Variants in SLC47A2 observed in about 807,000 individuals in gnomAD.
SLC47A2 encodes the protein multidrug and toxin extrusion protein 2.
Under a neutral mutation model 67.7 loss-of-function variants are expected in SLC47A2, and 52 were observed. That is an observed-to-expected ratio of 0.77 (90% CI 0.61 to 0.97). The LOEUF (loss-of-function observed/expected upper bound fraction) is 0.97. SLC47A2 is among the 50% of genes least tolerant of loss of function. The pLI, the probability that SLC47A2 is intolerant of heterozygous loss-of-function variation, is 0.00. For synonymous variants in SLC47A2, 278 were observed against 292.9 expected, an observed-to-expected ratio of 0.95 and a Z score of 0.52; for missense variants, 676 against 712.3, an observed-to-expected ratio of 0.95 and a Z score of 0.58.
Position 19,678,491 on chromosome 17 carries a change from AC to A in SLC47A2, c.*194del, listed in dbSNP as rs2085236716. 1.2e-5 allele frequency: 7 copies of A among 607,922 alleles called. No homozygotes were observed. The highest frequency in any genetic ancestry group is 2.0e-5 in the Non-Finnish European group (7 of 344,566). 37.7% of individuals were successfully genotyped at this position (607,922 alleles called of 1,614,324 possible). On this transcript the variant is annotated 3_prime_UTR_variant, in exon 17 of 17. Coordinates refer to ENST00000433844, the MANE Select transcript of SLC47A2 (RefSeq NM_001099646.3). The stretch of plus-strand genomic sequence containing the variant: ...AGTCACAGAAGAAAACTCCAGCTTG[AC>A]CAGAACAGAATTGTCAAGTCTGTTC...
At chr17:19,696,479 TAGAG>T (rs139339096) in intron 13 of SLC47A2, among the ~76,000 whole-genome samples, 5,557 of 120,948 alleles carry the variant, frequency 0.046, 315 homozygotes, top group African/African-American at 0.15. Flanking sequence ...AAAAAAAAAA[TAGAG>T]AGAATTTGGA....
rs866281659 is a variant in SLC47A2, at chr17:19,678,497, A to T, written c.*189T>A. The T allele has an allele frequency of 1.6e-6, 1 of 617,874 alleles. No homozygotes were observed. The highest frequency in any genetic ancestry group is 2.0e-5 in the South Asian group (1 of 49,514). The allele number at this position is 617,874 out of a possible 1,614,324, so 38.3% of individuals were successfully genotyped here. On this transcript the variant is annotated 3_prime_UTR_variant, in exon 17 of 17. Coordinates refer to ENST00000433844, the MANE Select transcript of SLC47A2 (RefSeq NM_001099646.3). The stretch of plus-strand genomic sequence containing the variant: ...AGAAGAAAACTCCAGCTTGACCAGA[A>T]CAGAATTGTCAAGTCTGTTCAGACC...
At chr17:19,714,015 G>T (rs374125037) in intron 3 of SLC47A2, 42 bp from the exon 4 acceptor site, 1 of 1,588,394 alleles carries the variant, frequency 6.3e-7, no homozygotes, top group East Asian at 2.3e-5. Context: ...TCCACTGCCC[G>T]GGACATTCCT....
At chr17:19,679,848 G>C in intron 16 of SLC47A2, 104 bp downstream of exon 16, 2 of 1,125,856 alleles carry the variant, frequency 1.8e-6, no homozygotes, top group Non-Finnish European at 2.5e-6. Context: ...AATAGCTTGG[G>C]CTTGTACAAT....
At chr17:19,706,329 G>A (rs920570297) in intron 9 of SLC47A2, among the ~76,000 whole-genome samples, 1 of 152,170 alleles carries the variant, frequency 6.6e-6, no homozygotes, top group Non-Finnish European at 1.5e-5. Flanking sequence ...TCACTCCTCC[G>A]TGCCTCAGCC....
chr17:19,698,902 A>G (rs1004625319), intron 13 of SLC47A2, among the ~76,000 whole-genome samples: 9 of 152,200 alleles, frequency 5.9e-5, no homozygotes, highest in African/African-American at 1.7e-4. Flanking sequence ...TAGCTTTTAC[A>G]TTGTACTAGG....
At chr17:19,714,002 G>A (rs569900840) in intron 3 of SLC47A2, 29 bp from the exon 4 acceptor site, 14 of 1,603,324 alleles carry the variant, frequency 8.7e-6, no homozygotes, top group Non-Finnish European at 1.2e-5. Flanking sequence ...CGCGTCAGCC[G>A]TTTCCACTGC....
Position 19,715,215 on chromosome 17 carries a change from G to T in SLC47A2, c.126C>A (p.Phe42Leu). The T allele has an allele frequency of 6.2e-7, 1 of 1,608,882 alleles. No homozygotes were observed. Residue 42 changes from phenylalanine (F) to leucine (L), a missense_variant and splice_region_variant, in exon 2 of 17, where the codon TTC becomes TTA. Phe to Leu is a conservative substitution (Grantham distance 22). Transcript: ENST00000433844. ...WTLFALSGPLFLFQVLTFMIY... is the reference protein window; with the variant it reads ...WTLFALSGPLLLFQVLTFMIY... Reference sequence around the variant, plus strand: ...TCATAAAAGTCAGCACCTGGAACAGGAACTGGAGGACAGCGGCCAGGTCAG... The same window carrying T: ...TCATAAAAGTCAGCACCTGGAACAGTAACTGGAGGACAGCGGCCAGGTCAG...
chr17:19,705,037 G>C, intron 10 of SLC47A2: 1 of 328,924 alleles, frequency 3.0e-6, no homozygotes, highest in Non-Finnish European at 5.5e-6. Flanking sequence ...ATATTGCCCA[G>C]GTTGGTCTTG....
chr17:19,698,498 T>C lies in SLC47A2; in HGVS notation c.1164+4107A>G, dbSNP rs991587342. ...ACTGGAGTACCTGGGATTACAGACA[T>C]GTGCCACCATGCTTGGCTAATTTTT... On this transcript the variant is annotated intron_variant, in intron 13 of 16. Coordinates refer to ENST00000433844, the MANE Select transcript of SLC47A2 (RefSeq NM_001099646.3). Among the ~76,000 whole-genome samples, 7 of 152,258 alleles carry C rather than the reference T, an allele frequency of 4.6e-5. No individual in the cohort carries two copies. In the South Asian group the frequency reaches 1.5e-3, roughly 32 times the overall value.
intron 1 of SLC47A2, 58 bp from the exon 2 acceptor site, chr17:19,715,275 T>G: frequency 6.7e-7 from 1 of 1,501,710 alleles, no homozygotes. Flanking sequence ...AGCCGAGCCC[T>G]GCAAGACAGG....
upstream of SLC47A2, chr17:19,718,577 A>G (rs976992202): frequency 1.3e-5 from 2 of 152,228 alleles, no homozygotes; most frequent in African/African-American, 2.4e-5. Flanking sequence ...TCTCAGGAAC[A>G]TTCCCAGGAT....
rs182571872 is a variant in SLC47A2, at chr17:19,690,089, C to G, written c.1165-8419G>C. Among the ~76,000 whole-genome samples, 10 of 152,100 alleles carry G rather than the reference C, an allele frequency of 6.6e-5. No individual in the cohort carries two copies. The South Asian group carries it at 2.1e-3, about 32-fold the overall frequency. The stretch of plus-strand genomic sequence containing the variant: ...AAAATAGACACACAGACTAATGGAA[C>G]GGAATAGAGAACCCAGAAGTAAATC... On this transcript the variant is annotated intron_variant, in intron 13 of 16. Coordinates refer to ENST00000433844, the MANE Select transcript of SLC47A2 (RefSeq NM_001099646.3).
intron 6 of SLC47A2, 80 bp downstream of exon 6, chr17:19,708,636 G>A: frequency 6.2e-7 from 1 of 1,601,020 alleles, no homozygotes; most frequent in Non-Finnish European, 8.5e-7. Context: ...GGAGAGAAGG[G>A]GAAAGCCCCA....
intron 13 of SLC47A2, among the ~76,000 whole-genome samples, chr17:19,699,956 G>A (rs1451436107): frequency 2.0e-5 from 3 of 152,220 alleles, no homozygotes; most frequent in Non-Finnish European, 4.4e-5. Flanking sequence ...AAGGAATGAA[G>A]CAGTGACGCA....
chr17:19,707,932 CGTGTG>C, intron 7 of SLC47A2, 89 bp from the exon 8 acceptor site: 3 of 1,249,454 alleles, frequency 2.4e-6, no homozygotes, highest in Non-Finnish European at 2.3e-6. Context: ...GCGGCCAGCC[CGTGTG>C]GGGCAGGCAT....
At chr17:19,684,293 A>T (rs2085373686) in intron 13 of SLC47A2, among the ~76,000 whole-genome samples, 1 of 152,200 alleles carries the variant, frequency 6.6e-6, no homozygotes, top group Non-Finnish European at 1.5e-5. Context: ...CAGAAATAAA[A>T]CCCCAAATAT....
intron 4 of SLC47A2, among the ~76,000 whole-genome samples, chr17:19,713,025 C>T (rs2086144410): frequency 6.6e-6 from 1 of 152,046 alleles, no homozygotes; most frequent in Non-Finnish European, 1.5e-5. Context: ...AAGGAATAAC[C>T]AAATGAAATG....
intron 2 of SLC47A2, 26 bp from the exon 3 acceptor site, chr17:19,714,815 A>G (rs746860181): frequency 1.2e-6 from 2 of 1,613,880 alleles, no homozygotes; most frequent in Admixed American, 3.3e-5. Flanking sequence ...GGAGGAAACA[A>G]GAGCTTGTCA....
Sources: allele counts gnomAD v4.1 joint callset (sites outside exome capture counted in the v4.1 genomes callset), GRCh38; gene constraint gnomAD v4.1.1; transcripts MANE v1.5; gene names NCBI Gene and HGNC (gene_info 2026-07-23, HGNC 2026-07-21).